Variants in LMX1B observed in about 807,000 individuals in gnomAD.
LMX1B encodes LIM homeobox transcription factor 1 beta, also known as LIM homeobox transcription factor 1-beta.
Under a neutral mutation model 51.4 loss-of-function variants are expected in LMX1B, and 12 were observed. That is an observed-to-expected ratio of 0.23 (90% CI 0.15 to 0.38). The LOEUF (loss-of-function observed/expected upper bound fraction) is 0.38, where lower values mean the gene tolerates loss of function less well. Among genes scored for constraint, LMX1B ranks in the 10% least tolerant of loss-of-function variants. LMX1B has a pLI of 1.00. For missense variants in LMX1B, 445 were observed against 571.1 expected (o/e 0.78, Z 2.25); for synonymous variants, 237 against 235.4 (o/e 1.01, Z -0.06).
intron 2 of LMX1B, among the ~76,000 whole-genome samples, chr9:126,616,324 C>G (rs1332235445): frequency 3.3e-5 from 5 of 152,334 alleles, no homozygotes; most frequent in Admixed American, 3.3e-4. Flanking sequence ...TGGTATAACC[C>G]AAACCTCAGG....
chr9:126,670,452 G>T (rs976627618), intron 2 of LMX1B, among the ~76,000 whole-genome samples: 7 of 152,202 alleles, frequency 4.6e-5, no homozygotes, highest in Non-Finnish European at 1.5e-5. Flanking sequence ...GCATATGGGT[G>T]CAGACGCGCT....
intron 2 of LMX1B, among the ~76,000 whole-genome samples, chr9:126,652,122 G>C (rs993088439): frequency 6.6e-6 from 1 of 152,102 alleles, no homozygotes; most frequent in African/African-American, 2.4e-5. Context: ...GGAGGGGCCC[G>C]GCTTGGCTGC....
intron 2 of LMX1B, among the ~76,000 whole-genome samples, chr9:126,651,475 G>A (rs1184897731): frequency 3.9e-5 from 6 of 152,128 alleles, no homozygotes; most frequent in Admixed American, 3.9e-4. Context: ...GCGGCCTCCT[G>A]TTGGGGGTCT....
At position 126,696,538 on chromosome 9, in the gene LMX1B, C is replaced by G. The variant is rs1436921871; in HGVS notation, c.*87C>G. On this transcript the variant is annotated 3_prime_UTR_variant, in exon 8 of 8. Coordinates refer to ENST00000373474, the MANE Select transcript of LMX1B (RefSeq NM_001174147.2). Reference sequence around the variant, plus strand: ...CCAGCCTGGCCACCCCCGCCCTGCTCTCCGCACAGACTACAGACAGCCATA... The same window carrying G: ...CCAGCCTGGCCACCCCCGCCCTGCTGTCCGCACAGACTACAGACAGCCATA... 3 of 1,492,136 alleles carry G rather than the reference C, an allele frequency of 2.0e-6. No homozygotes were observed. The highest frequency in any genetic ancestry group is 1.4e-5 in the African/African-American group (1 of 71,990). The allele number at this position is 1,492,136 out of a possible 1,614,324, so 92.4% of individuals were successfully genotyped here.
intron 2 of LMX1B, among the ~76,000 whole-genome samples, chr9:126,663,954 G>A (rs1836291356): frequency 1.3e-5 from 2 of 152,244 alleles, no homozygotes; most frequent in Admixed American, 1.3e-4. Flanking sequence ...GTGGGTAGAA[G>A]TTGCTGCTCT....
At chr9:126,689,640 G>A (rs2030041383) in intron 2 of LMX1B, among the ~76,000 whole-genome samples, 1 of 152,196 alleles carries the variant, frequency 6.6e-6, no homozygotes, top group Admixed American at 6.5e-5. Flanking sequence ...AGCAGAGGAG[G>A]GGCCGTGCTG....
intron 4 of LMX1B, 68 bp downstream of exon 4, chr9:126,693,391 C>T: frequency 2.6e-6 from 4 of 1,553,802 alleles, no homozygotes; most frequent in Non-Finnish European, 3.5e-6. Flanking sequence ...TGGAGACCAC[C>T]CCCTGCTCCT....
chr9:126,666,486 A>G (rs561833093), intron 2 of LMX1B, among the ~76,000 whole-genome samples: 9 of 152,282 alleles, frequency 5.9e-5, no homozygotes, highest in African/African-American at 1.7e-4. Flanking sequence ...GCAGGAAGGG[A>G]GAAAGAGGGT....
chr9:126,618,796 G>T lies in LMX1B; in HGVS notation c.326+3227G>T, dbSNP rs537933192. On this transcript the variant is annotated intron_variant, in intron 2 of 7. Transcript: ENST00000373474. The surrounding 1 kb of genome is among the most constrained non-coding windows in gnomAD (Gnocchi z 4.5). The stretch of plus-strand genomic sequence containing the variant: ...GAATTCCTGGAGGAGGCTCCGGAAG[G>T]GGGGAGGGTCGGTGGGAGAGTCCAA... Among the ~76,000 whole-genome samples the T allele has an allele frequency of 6.6e-6, 1 of 152,212 alleles. No individual in the cohort carries two copies. The highest frequency in any genetic ancestry group is 1.5e-5 in the Non-Finnish European group (1 of 68,030).
At chr9:126,640,095 G>A (rs1278698724) in intron 2 of LMX1B, among the ~76,000 whole-genome samples, 1 of 152,194 alleles carries the variant, frequency 6.6e-6, no homozygotes, top group Admixed American at 6.5e-5. Flanking sequence ...AAAGAAGAAG[G>A]GAGGAGGAAA....
At chr9:126,683,162 C>T (rs1488794152) in intron 2 of LMX1B, among the ~76,000 whole-genome samples, 2 of 150,976 alleles carry the variant, frequency 1.3e-5, no homozygotes, top group East Asian at 3.9e-4. Context: ...AGGCCCGGCC[C>T]CGACGCGGCG....
rs181701033 is a variant in LMX1B at position 126,696,624 on chromosome 9, G to A, written c.*173G>A. 1.6e-3 allele frequency: 1,086 copies of A among 669,050 alleles called. 14 individuals are homozygous for A. Among genetic ancestry groups the A allele is most frequent in the African/African-American group, 0.015 (817 of 55,432 alleles). The allele number at this position is 669,050 out of a possible 1,614,324, so 41.4% of individuals were successfully genotyped here. A position where few individuals can be genotyped will look rare whatever the true frequency, so the allele number is the denominator to read the frequency against. On this transcript the variant is annotated 3_prime_UTR_variant, in exon 8 of 8. Coordinates refer to ENST00000373474, the MANE Select transcript of LMX1B (RefSeq NM_001174147.2). ...TGTGCCCGTTGGGTACAGCCAGACCGGTAGATGGGCACAGCCTGGGCAGGG... is the reference window on the plus strand; with the variant it reads ...TGTGCCCGTTGGGTACAGCCAGACCAGTAGATGGGCACAGCCTGGGCAGGG...
intron 2 of LMX1B, among the ~76,000 whole-genome samples, chr9:126,666,879 G>C (rs1836351253): frequency 6.6e-6 from 1 of 152,162 alleles, no homozygotes; most frequent in Admixed American, 6.5e-5. Context: ...CTGGGCGAAG[G>C]GTTCGAGGTT....
chr9:126,647,266 G>T (rs570526047), intron 2 of LMX1B, among the ~76,000 whole-genome samples: 15 of 152,156 alleles, frequency 9.9e-5, no homozygotes, highest in African/African-American at 3.4e-4. Context: ...TATAAGCAAA[G>T]AAATGAAAGA....
At position 126,625,196 on chromosome 9, in the gene LMX1B, C is replaced by T. The variant is rs1387837720; in HGVS notation, c.326+9627C>T. ...CGAGGACGGCGGGAAGAGGGGGCTCCGGCCCTGTAGCCCCCTGACGCTTTT... is the reference window on the plus strand; with the variant it reads ...CGAGGACGGCGGGAAGAGGGGGCTCTGGCCCTGTAGCCCCCTGACGCTTTT... On this transcript the variant is annotated intron_variant, in intron 2 of 7. Coordinates refer to ENST00000373474, the MANE Select transcript of LMX1B (RefSeq NM_001174147.2). The surrounding 1 kb of genome is among the most constrained non-coding windows in gnomAD (Gnocchi z 5.3). Among the ~76,000 whole-genome samples the T allele has an allele frequency of 6.6e-6, 1 of 152,258 alleles. No homozygotes were observed. The highest frequency in any genetic ancestry group is 1.9e-4 in the East Asian group (1 of 5,194).
chr9:126,684,078 T>C (rs1052487383), intron 2 of LMX1B, among the ~76,000 whole-genome samples: 1 of 151,878 alleles, frequency 6.6e-6, no homozygotes, highest in African/African-American at 2.4e-5. Context: ...GCTGGGTGAA[T>C]GTGAGAGGGT....
intron 2 of LMX1B, among the ~76,000 whole-genome samples, chr9:126,688,416 G>A (rs1214512315): frequency 1.3e-5 from 2 of 152,218 alleles, no homozygotes; most frequent in African/African-American, 4.8e-5. Flanking sequence ...GCGCTCCCAC[G>A]CTAGCAGCGA....
chr9:126,680,183 CT>C, intron 2 of LMX1B, among the ~76,000 whole-genome samples: 1 of 152,362 alleles, frequency 6.6e-6, no homozygotes, highest in Non-Finnish European at 1.5e-5. Flanking sequence ...GGCCCAGCAG[CT>C]CCGTGCTGAT....
At chr9:126,629,343 G>A (rs1276962111) in intron 2 of LMX1B, among the ~76,000 whole-genome samples, 1 of 152,232 alleles carries the variant, frequency 6.6e-6, no homozygotes, top group African/African-American at 2.4e-5. Flanking sequence ...GCTGATGCTT[G>A]TTTAGCACTT....
Sources: allele counts gnomAD v4.1 joint callset (sites outside exome capture counted in the v4.1 genomes callset), GRCh38; gene constraint gnomAD v4.1.1; non-coding constraint Gnocchi (gnomAD v3.1); transcripts MANE v1.5; gene names NCBI Gene and HGNC (gene_info 2026-07-23, HGNC 2026-07-21).